The following BCLAF3 variants were observed in gnomAD, a reference collection of about 807,000 sequenced individuals.
The protein encoded by BCLAF3 is transient octamer binding factor 1.
In BCLAF3, 24 loss-of-function variants were observed where a neutral mutation model predicts 51.2. The ratio of observed to expected loss-of-function variants is 0.47; its 90% CI spans 0.34 to 0.66. The LOEUF (loss-of-function observed/expected upper bound fraction) is 0.66. BCLAF3 is among the 30% of genes least tolerant of loss of function. BCLAF3 has a pLI of 0.01. For synonymous variants in BCLAF3, 152 were observed against 176.6 expected (o/e 0.86, Z 1.10); for missense variants, 465 against 525.1 (o/e 0.89, Z 1.12).
chrX:19,932,873 T>C (rs1192764377), intron 10 of BCLAF3, among the ~76,000 whole-genome samples: 2 of 112,007 alleles, frequency 1.8e-5, no homozygotes, highest in Admixed American at 9.5e-5. Flanking sequence ...AGCTAAACAA[T>C]AATAACTCCT....
Position 19,965,091 on chromosome X carries a change from T to C in BCLAF3, c.1227A>G (p.Lys409=), listed in dbSNP as rs1569507639. ...VKPSPINLRK[K]SLTVKVDVKK... is the part of the protein sequence containing the mutation. ...TCACATCTACTTTAACTGTAAGTGATTTCTTCCTAAGATTGATAGGCGAGG... is the reference window on the plus strand; with the variant it reads ...TCACATCTACTTTAACTGTAAGTGACTTCTTCCTAAGATTGATAGGCGAGG... The change falls in exon 4 of 12, where the codon AAA becomes AAG. Residue 409 remains lysine, a synonymous_variant. Coordinates refer to ENST00000379682, the MANE Select transcript of BCLAF3 (RefSeq NM_001367774.2). 1 of 1,187,170 alleles carries C rather than the reference T, an allele frequency of 8.4e-7. No individual in the cohort carries two copies. The highest frequency in any genetic ancestry group is 1.1e-6 in the Non-Finnish European group (1 of 888,050).
intron 1 of BCLAF3, among the ~76,000 whole-genome samples, chrX:19,982,549 T>TCACACA (rs60433883): frequency 3.9e-4 from 38 of 97,200 alleles, no homozygotes; most frequent in Non-Finnish European, 6.9e-4. Flanking sequence ...AGATGCAATT[T>TCACACA]CACACACACA....
At chrX:19,940,147 C>T (rs1004726137) in intron 8 of BCLAF3, among the ~76,000 whole-genome samples, 1 of 112,139 alleles carries the variant, frequency 8.9e-6, no homozygotes, top group African/African-American at 3.2e-5. Flanking sequence ...TTTGACCAGG[C>T]AAATGAATGC....
chrX:19,945,380 C>G (rs1447581679), intron 8 of BCLAF3, among the ~76,000 whole-genome samples: 2 of 107,219 alleles, frequency 1.9e-5, no homozygotes, highest in Non-Finnish European at 1.9e-5. Flanking sequence ...TTTTTCTGTT[C>G]TGTTTTTTCC....
chrX:19,963,543 A>G (rs994304357), intron 4 of BCLAF3, among the ~76,000 whole-genome samples: 8 of 112,285 alleles, frequency 7.1e-5, no homozygotes, highest in African/African-American at 2.6e-4. Flanking sequence ...AAATTGTTGT[A>G]GAGTAGTAGA....
At chrX:19,934,133 T>C (rs554247659) in intron 10 of BCLAF3, among the ~76,000 whole-genome samples, 3 of 112,313 alleles carry the variant, frequency 2.7e-5, no homozygotes, top group East Asian at 2.8e-4. Context: ...CTACAAAGAA[T>C]TGTACACTTC....
intron 1 of BCLAF3, among the ~76,000 whole-genome samples, chrX:19,983,442 C>A (rs1393683781): frequency 9.2e-6 from 1 of 109,086 alleles, no homozygotes; most frequent in Non-Finnish European, 1.9e-5. Context: ...ATTAGCTGGG[C>A]ATGGTGGCTC....
chrX:19,932,960 G>A (rs2070623248), intron 10 of BCLAF3, among the ~76,000 whole-genome samples: 1 of 112,163 alleles, frequency 8.9e-6, no homozygotes, highest in South Asian at 3.7e-4. Flanking sequence ...CACTACAATG[G>A]CTGCATTAAA....
chrX:19,984,413 T>TA (rs1286407392), intron 1 of BCLAF3, among the ~76,000 whole-genome samples: 1 of 110,756 alleles, frequency 9.0e-6, no homozygotes, highest in Non-Finnish European at 1.9e-5. Flanking sequence ...GAGTAACTCT[T>TA]ACTAATGTTT....
At chrX:19,920,289 CT>C (rs1401823624) in intron 11 of BCLAF3, among the ~76,000 whole-genome samples, 2 of 111,787 alleles carry the variant, frequency 1.8e-5, no homozygotes, top group African/African-American at 6.5e-5. Context: ...CCCTATATGC[CT>C]TTTCCTTTTG....
chrX:19,967,550 A>G (rs2072101027), intron 2 of BCLAF3, among the ~76,000 whole-genome samples: 1 of 111,649 alleles, frequency 9.0e-6, no homozygotes, highest in African/African-American at 3.3e-5. Flanking sequence ...GTATCCAGGG[A>G]AACCAGTCTG....
intron 1 of BCLAF3, among the ~76,000 whole-genome samples, chrX:19,978,861 C>A (rs962196509): frequency 1.8e-4 from 20 of 110,431 alleles, no homozygotes; most frequent in African/African-American, 5.9e-4. Context: ...CTTAGCCTCC[C>A]AAAGTGCTGG....
chrX:19,978,748 A>C (rs753162791), intron 1 of BCLAF3, among the ~76,000 whole-genome samples: 2 of 99,886 alleles, frequency 2.0e-5, no homozygotes, highest in Middle Eastern at 4.9e-3. Context: ...CTACAGAGAA[A>C]TCTCTTATTT....
intron 4 of BCLAF3, among the ~76,000 whole-genome samples, chrX:19,959,759 A>G (rs761479014): frequency 5.3e-4 from 59 of 110,594 alleles, no homozygotes; most frequent in African/African-American, 1.9e-3. Context: ...CTTGGGTGAC[A>G]GAGCAAGACT....
intron 8 of BCLAF3, among the ~76,000 whole-genome samples, chrX:19,941,264 T>C (rs2071031453): frequency 9.3e-6 from 1 of 107,195 alleles, no homozygotes. Context: ...GTGCAGAAGC[T>C]CTTTAGTTTA....
rs751181315 is a variant in BCLAF3 at position 19,965,429 on chromosome X, C to T, written c.889G>A (p.Asp297Asn). 8.3e-7 allele frequency: 1 copy of T among 1,211,911 alleles called. No homozygotes were observed. The highest frequency in any genetic ancestry group is 3.0e-5 in the East Asian group (1 of 33,869). The change falls in exon 4 of 12, where the codon GAT becomes AAT. Residue 297 changes from aspartate (D) to asparagine (N), a missense_variant. Transcript: ENST00000379682. ...KLLDGDQDFSDGRTQKYCKEE... is the reference protein window; with the variant it reads ...KLLDGDQDFSNGRTQKYCKEE... ...TTACAGTACTTCTGAGTTCTCCCATCAGAAAAGTCCTGGTCCCCATCCAAG... is the reference window on the plus strand; with the variant it reads ...TTACAGTACTTCTGAGTTCTCCCATTAGAAAAGTCCTGGTCCCCATCCAAG...
Position 19,937,305 on chromosome X carries a change from CAT to C in BCLAF3, c.1860+111_1860+112del, listed in dbSNP as rs1206504151. The C allele has an allele frequency of 1.6e-5, 8 of 512,384 alleles. No individual in the cohort carries two copies. In the Admixed American group the frequency reaches 2.2e-4, roughly 14 times the overall value. 42.2% of individuals were successfully genotyped at this position (512,384 alleles called of 1,213,427 possible). ...TTTAAGCATCAACGGAATCTTATAA[CAT>C]ATACTTAATGAACAATTACAAACGT... On this transcript the variant is annotated intron_variant, in intron 9 of 11. Coordinates refer to ENST00000379682, the MANE Select transcript of BCLAF3 (RefSeq NM_001367774.2).
intron 1 of BCLAF3, among the ~76,000 whole-genome samples, chrX:19,974,267 T>G (rs964633778): frequency 8.9e-6 from 1 of 112,561 alleles, no homozygotes; most frequent in African/African-American, 3.2e-5. Context: ...AAGTCGAACA[T>G]GCCCATATCC....
intron 2 of BCLAF3, among the ~76,000 whole-genome samples, chrX:19,969,095 A>G (rs1468154831): frequency 2.7e-5 from 3 of 112,167 alleles, no homozygotes; most frequent in Non-Finnish European, 5.6e-5. Flanking sequence ...CCTGGGCGAC[A>G]GAGCGAGATT....
Sources: allele counts gnomAD v4.1 joint callset (sites outside exome capture counted in the v4.1 genomes callset), GRCh38; gene constraint gnomAD v4.1.1; transcripts MANE v1.5; gene names NCBI Gene and HGNC (gene_info 2026-07-23, HGNC 2026-07-21).